GRM4: variants seen among roughly 807,000 people sequenced by gnomAD.
GRM4 encodes glutamate metabotropic receptor 4, also known as metabotropic glutamate receptor 4.
In GRM4, 28 loss-of-function variants were observed where a neutral mutation model predicts 81.7. That is an observed-to-expected ratio of 0.34 (90% CI 0.25 to 0.47). The LOEUF (loss-of-function observed/expected upper bound fraction) is 0.47. Among genes scored for constraint, GRM4 ranks in the 20% least tolerant of loss-of-function variants. The pLI, the probability that GRM4 is intolerant of heterozygous loss-of-function variation, is 1.00. For missense variants in GRM4, 948 were observed against 1,290.0 expected (o/e 0.73, Z 4.06); for synonymous variants, 488 against 528.8 (o/e 0.92, Z 1.06).
intron 3 of GRM4, among the ~76,000 whole-genome samples, chr6:34,085,356 C>T (rs190581370): frequency 2.6e-5 from 4 of 152,308 alleles, no homozygotes; most frequent in South Asian, 2.1e-4. Flanking sequence ...GTTCACCTGA[C>T]GCAGCTGCTG....
In GRM4 at chr6:34,048,323, C is replaced by G. The variant is rs1765449975; in HGVS notation, c.1169-7575G>C. ...AGTAAAGCTGGCACCTGGGACTAGG[C>G]AAGGAGAGTCACACCTGGCGCCTGC... On this transcript the variant is annotated intron_variant, in intron 6 of 10. Transcript: ENST00000538487. This position sits in a 1 kb window ranked among gnomAD's most constrained non-coding sequence, Gnocchi z 4.0. Among the ~76,000 whole-genome samples, 1 of 152,162 alleles carries G rather than the reference C, an allele frequency of 6.6e-6. No homozygotes were observed. The highest frequency in any genetic ancestry group is 2.4e-5 in the African/African-American group (1 of 41,440).
intron 6 of GRM4, among the ~76,000 whole-genome samples, chr6:34,053,112 C>T (rs189575228): frequency 0.029 from 3,882 of 133,822 alleles, 94 homozygotes; most frequent in African/African-American, 0.081. Context: ...CCTCCTCACA[C>T]GCTTATCTCT....
intron 3 of GRM4, among the ~76,000 whole-genome samples, chr6:34,079,520 G>A (rs1435352325): frequency 6.6e-6 from 1 of 150,794 alleles, no homozygotes; most frequent in Non-Finnish European, 1.5e-5. Flanking sequence ...AAATAAACAT[G>A]TATATAGCTA....
chr6:34,149,308 C>T (rs1216188519), upstream of GRM4, among the ~76,000 whole-genome samples: 3 of 152,238 alleles, frequency 2.0e-5, no homozygotes, highest in Non-Finnish European at 4.4e-5. Flanking sequence ...CCAGCCATCA[C>T]CTCAGCCTCT....
intron 1 of GRM4, among the ~76,000 whole-genome samples, chr6:34,145,538 G>GGCAACAGCA (rs1770892924): frequency 6.6e-6 from 1 of 152,236 alleles, no homozygotes; most frequent in African/African-American, 2.4e-5. Flanking sequence ...CCGCAACAGC[G>GGCAACAGCA]GCAACAGCAG....
intron 3 of GRM4, 74 bp from the exon 4 acceptor site, chr6:34,062,102 T>C (rs1439697849): frequency 3.0e-5 from 44 of 1,486,896 alleles, no homozygotes; most frequent in Non-Finnish European, 1.5e-5. Context: ...CAACATACAC[T>C]CCGGGAGATG....
At chr6:34,041,123 T>A (rs1452062300) in intron 6 of GRM4, among the ~76,000 whole-genome samples, 2 of 152,002 alleles carry the variant, frequency 1.3e-5, no homozygotes, top group Non-Finnish European at 2.9e-5. Context: ...CCTGGGATAA[T>A]CTTGAGAGCA....
rs1191807604 is a variant in GRM4 at position 34,048,379 on chromosome 6, C to T, written c.1169-7631G>A. On this transcript the variant is annotated intron_variant, in intron 6 of 10. Transcript: ENST00000538487. The surrounding 1 kb of genome is among the most constrained non-coding windows in gnomAD (Gnocchi z 4.0). ...CCCGTGCCCAAGAAGGATCAGCTCT[C>T]GACTCCTGCCTGGTTCTGAGGCCAA... 2.6e-5 allele frequency among the ~76,000 whole-genome samples: 4 copies of T among 151,990 alleles called. No individual in the cohort carries two copies. The highest frequency in any genetic ancestry group is 1.9e-4 in the East Asian group (1 of 5,166).
chr6:34,144,050 C>T (rs573486194), intron 1 of GRM4, among the ~76,000 whole-genome samples: 122 of 152,328 alleles, frequency 8.0e-4, no homozygotes, highest in Non-Finnish European at 1.4e-3. Context: ...CGCCAGGGGC[C>T]GGCAATGGTG....
intron 2 of GRM4, among the ~76,000 whole-genome samples, chr6:34,127,821 G>A (rs1440841685): frequency 6.6e-6 from 1 of 152,130 alleles, no homozygotes; most frequent in Non-Finnish European, 1.5e-5. Flanking sequence ...AGTAGGGTGG[G>A]TGGGCTCTCT....
intron 2 of GRM4, among the ~76,000 whole-genome samples, chr6:34,095,847 CA>C (rs1459498350): frequency 1.3e-5 from 2 of 152,172 alleles, no homozygotes; most frequent in Non-Finnish European, 2.9e-5. Context: ...CAGGAGGTGC[CA>C]GGGGCCGCCA....
rs1768090732 is a variant in GRM4 at position 34,089,564 on chromosome 6, A to G, written c.736+2319T>C. Reference sequence around the variant, plus strand: ...GGGAGGCCCAGCCAAGCAGGAAGCCAGGCCCTCAGATGGTGCATGGGGTGT... The same window carrying G: ...GGGAGGCCCAGCCAAGCAGGAAGCCGGGCCCTCAGATGGTGCATGGGGTGT... On this transcript the variant is annotated intron_variant, in intron 3 of 10. Coordinates refer to ENST00000538487, the MANE Select transcript of GRM4 (RefSeq NM_000841.4). The surrounding 1 kb of genome is among the most constrained non-coding windows in gnomAD (Gnocchi z 4.3). 6.6e-6 allele frequency among the ~76,000 whole-genome samples: 1 copy of G among 152,092 alleles called. No individual in the cohort carries two copies. Among genetic ancestry groups the G allele is most frequent in the African/African-American group, 2.4e-5 (1 of 41,420 alleles).
chr6:34,101,885 C>T, intron 2 of GRM4: 1 of 699,856 alleles, frequency 1.4e-6, no homozygotes, highest in Non-Finnish European at 2.3e-6. Flanking sequence ...TCACCAACCC[C>T]ACACGAGGCT....
chr6:34,035,531 G>C lies in GRM4; in HGVS notation c.2442+137C>G. Reference sequence around the variant, plus strand: ...AATGAGGCATGAAAGAAGGCAGAATGAGGCAAGAAAGAAGGCAGAATGAGG... The same window carrying C: ...AATGAGGCATGAAAGAAGGCAGAATCAGGCAAGAAAGAAGGCAGAATGAGG... On this transcript the variant is annotated intron_variant, in intron 9 of 10. Transcript: ENST00000538487. The surrounding 1 kb of genome is among the most constrained non-coding windows in gnomAD (Gnocchi z 6.6). The C allele has an allele frequency of 3.4e-6, 2 of 584,386 alleles. No homozygotes were observed. Among genetic ancestry groups the C allele is most frequent in the Non-Finnish European group, 6.1e-6 (2 of 326,662 alleles). The allele number at this position is 584,386 out of a possible 1,614,324, so 36.2% of individuals were successfully genotyped here. A position where few individuals can be genotyped will look rare whatever the true frequency, so the allele number is the denominator to read the frequency against.
At chr6:34,129,913 G>A (rs549312474) in intron 2 of GRM4, among the ~76,000 whole-genome samples, 17 of 152,228 alleles carry the variant, frequency 1.1e-4, no homozygotes, top group African/African-American at 1.9e-4. Flanking sequence ...GCCAAGCACC[G>A]GAAGTCCACC....
In GRM4 at chr6:34,133,197, C is replaced by T. The variant is rs748206930; in HGVS notation, c.300G>A (p.Thr100=). 22 of 1,613,786 alleles carry T rather than the reference C, an allele frequency of 1.4e-5. No homozygotes were observed. Among genetic ancestry groups the T allele is most frequent in the Non-Finnish European group, 1.6e-5 (19 of 1,179,828 alleles). ...AGGTGTCCAGAATGCGGGCGCCCAG[C>T]GTGATGTTAGGCAGCAGGTCCGGGT... The part of the protein sequence containing the change: ...NNDPDLLPNI[T]LGARILDTCS... Residue 100 remains threonine, a synonymous_variant, in exon 2 of 11, where the codon ACG becomes ACA. Coordinates refer to ENST00000538487, the MANE Select transcript of GRM4 (RefSeq NM_000841.4). The surrounding 1 kb of genome is among the most constrained non-coding windows in gnomAD (Gnocchi z 6.5).
chr6:34,131,072 G>C (rs1770213296), intron 2 of GRM4, among the ~76,000 whole-genome samples: 1 of 152,194 alleles, frequency 6.6e-6, no homozygotes, highest in Non-Finnish European at 1.5e-5. Context: ...GCCATCACTA[G>C]GCCCTGGCCT....
chr6:34,122,909 C>T (rs1210595215), intron 2 of GRM4, among the ~76,000 whole-genome samples: 3 of 152,212 alleles, frequency 2.0e-5, no homozygotes, highest in Non-Finnish European at 4.4e-5. Flanking sequence ...CTGCTGGATT[C>T]GAGTCAGTAT....
In GRM4 at chr6:34,078,837, G is replaced by T. The variant is rs1581665278; in HGVS notation, c.736+13046C>A. 6.6e-6 allele frequency among the ~76,000 whole-genome samples: 1 copy of T among 152,268 alleles called. No individual in the cohort carries two copies. The highest frequency in any genetic ancestry group is 1.9e-4 in the East Asian group (1 of 5,178). ...TTTCCTTCTGGCTCATTAAAAAGCA[G>T]AATTTGCATAGAATATCCATATGAT... On this transcript the variant is annotated intron_variant, in intron 3 of 10. Transcript: ENST00000538487. The surrounding 1 kb of genome is among the most constrained non-coding windows in gnomAD (Gnocchi z 4.8).
Sources: allele counts gnomAD v4.1 joint callset (sites outside exome capture counted in the v4.1 genomes callset), GRCh38; gene constraint gnomAD v4.1.1; non-coding constraint Gnocchi (gnomAD v3.1); transcripts MANE v1.5; gene names NCBI Gene and HGNC (gene_info 2026-07-23, HGNC 2026-07-21).